CLINT1: variants seen among roughly 807,000 people sequenced by gnomAD.
The protein encoded by CLINT1 is clathrin interactor 1.
CLINT1 carries 15 observed loss-of-function variants against 70.4 expected under a neutral mutation model. That is an observed-to-expected ratio of 0.21 (90% confidence interval 0.14 to 0.33). CLINT1 has a LOEUF of 0.33. Among genes scored for constraint, CLINT1 ranks in the 10% least tolerant of loss-of-function variants. The pLI, the probability that CLINT1 is intolerant of heterozygous loss-of-function variation, is 1.00. For missense variants in CLINT1, 615 were observed against 778.1 expected (o/e 0.79, Z 2.49); for synonymous variants, 227 against 254.7 (o/e 0.89, Z 1.04).
intron 1 of CLINT1, among the ~76,000 whole-genome samples, chr5:157,830,363 CTTTTAT>C (rs1014191316): frequency 2.0e-5 from 3 of 152,112 alleles, no homozygotes; most frequent in Middle Eastern, 3.4e-3. Flanking sequence ...TTCCTTTAGT[CTTTTAT>C]TTTTAAGTTT....
At chr5:157,854,662 A>C (rs1753686371) in intron 1 of CLINT1, among the ~76,000 whole-genome samples, 1 of 152,258 alleles carries the variant, frequency 6.6e-6, no homozygotes, top group Non-Finnish European at 1.5e-5. Context: ...AGGAGACTAG[A>C]ACAGCAGTTT....
chr5:157,850,556 A>G (rs959846858), intron 1 of CLINT1, among the ~76,000 whole-genome samples: 1 of 136,318 alleles, frequency 7.3e-6, no homozygotes, highest in Non-Finnish European at 1.5e-5. Context: ...GGCTGCAGTG[A>G]GTCAAGATCG....
At chr5:157,840,944 G>C (rs1581536098) in intron 1 of CLINT1, among the ~76,000 whole-genome samples, 1 of 152,014 alleles carries the variant, frequency 6.6e-6, no homozygotes, top group East Asian at 1.9e-4. Flanking sequence ...ACATACACTT[G>C]GAACAAAGTC....
chr5:157,830,788 C>A (rs1237168793), intron 1 of CLINT1, among the ~76,000 whole-genome samples: 184 of 128,842 alleles, frequency 1.4e-3, no homozygotes, highest in African/African-American at 4.2e-3. Flanking sequence ...CTCTCTCTCT[C>A]TCTCTCTCTA....
intron 1 of CLINT1, among the ~76,000 whole-genome samples, chr5:157,818,989 G>T (rs1161288220): frequency 3.3e-5 from 5 of 152,058 alleles, no homozygotes; most frequent in Admixed American, 3.3e-4. Flanking sequence ...TGAAAAATCA[G>T]AATTTGGTTA....
intron 1 of CLINT1, among the ~76,000 whole-genome samples, chr5:157,847,785 G>A (rs994112359): frequency 2.0e-5 from 3 of 152,196 alleles, no homozygotes; most frequent in African/African-American, 7.2e-5. Context: ...TACTGCCAGT[G>A]AAGAACATGG....
chr5:157,844,622 T>C (rs1255665392), intron 1 of CLINT1, among the ~76,000 whole-genome samples: 1 of 152,198 alleles, frequency 6.6e-6, no homozygotes, highest in Non-Finnish European at 1.5e-5. Flanking sequence ...ACTTAGATGG[T>C]ACATAAGCGA....
rs1762734001 is a variant in CLINT1, at chr5:157,816,754, T to C, written c.223A>G (p.Asn75Asp). Residue 75 changes from asparagine (N) to aspartate (D), a missense_variant, in exon 3 of 12, where the codon AAT becomes GAT. By Grantham distance (23) the Asn-to-Asp change is conservative (BLOSUM62 1). Transcript: ENST00000411809. ...CATACCTTATAAACTCTTCTCCAAT[T>C]CTTTTTGTTGTCTTTTAACATTCGT... ...WSRMLKDNKKNWRRVYKSLLL... is the reference protein window; with the variant it reads ...WSRMLKDNKKDWRRVYKSLLL... 1 of 1,609,798 alleles carries C rather than the reference T, an allele frequency of 6.2e-7. No individual in the cohort carries two copies. Among genetic ancestry groups the C allele is most frequent in the Non-Finnish European group, 8.5e-7 (1 of 1,178,254 alleles).
chr5:157,856,055 G>C (rs1434985420), intron 1 of CLINT1, among the ~76,000 whole-genome samples: 1 of 152,020 alleles, frequency 6.6e-6, no homozygotes, highest in Non-Finnish European at 1.5e-5. Context: ...AACCTCACTG[G>C]GTATCAATAT....
chr5:157,796,268 G>A (rs1029275774), intron 8 of CLINT1: 11 of 152,122 alleles, frequency 7.2e-5, no homozygotes, highest in Non-Finnish European at 8.8e-5. Context: ...CTCTGTGTGC[G>A]TAACATTACA....
chr5:157,791,473 A>C, intron 10 of CLINT1: 1 of 507,296 alleles, frequency 2.0e-6, no homozygotes, highest in Non-Finnish European at 3.5e-6. Flanking sequence ...CTTTACAGTG[A>C]CTACAAGATG....
chr5:157,857,377 A>T (rs2113351086), intron 1 of CLINT1, among the ~76,000 whole-genome samples: 1 of 152,340 alleles, frequency 6.6e-6, no homozygotes, highest in East Asian at 1.9e-4. Context: ...CGGTAAGCAA[A>T]AGCAAAGAAT....
intron 1 of CLINT1, among the ~76,000 whole-genome samples, chr5:157,842,963 C>T (rs1054520207): frequency 6.6e-6 from 1 of 152,040 alleles, no homozygotes; most frequent in Non-Finnish European, 1.5e-5. Context: ...AAAGTAAGGA[C>T]GGTGAGGTGT....
chr5:157,829,455 C>A (rs1763150248), intron 1 of CLINT1, among the ~76,000 whole-genome samples: 1 of 152,072 alleles, frequency 6.6e-6, no homozygotes. Flanking sequence ...TAAACAAGGG[C>A]AACTTTATTC....
intron 1 of CLINT1, among the ~76,000 whole-genome samples, chr5:157,850,376 G>A (rs577515766): frequency 3.6e-4 from 55 of 152,176 alleles, no homozygotes; most frequent in African/African-American, 1.3e-3. Flanking sequence ...CTAGCACTTT[G>A]GGAGGCTTGA....
intron 6 of CLINT1, among the ~76,000 whole-genome samples, chr5:157,807,065 G>A (rs1206175920): frequency 6.6e-6 from 1 of 151,314 alleles, no homozygotes; most frequent in African/African-American, 2.4e-5. Flanking sequence ...TAGAGTAGGT[G>A]GTTTAATTTA....
intron 9 of CLINT1, among the ~76,000 whole-genome samples, chr5:157,793,830 C>T (rs1233933563): frequency 6.6e-6 from 1 of 152,108 alleles, no homozygotes; most frequent in East Asian, 1.9e-4. Flanking sequence ...TTTTTTCTAA[C>T]TCCTCACAAA....
intron 1 of CLINT1, among the ~76,000 whole-genome samples, chr5:157,836,501 T>G (rs1421083999): frequency 2.6e-5 from 4 of 152,178 alleles, no homozygotes; most frequent in Non-Finnish European, 5.9e-5. Flanking sequence ...GCACCAAGAG[T>G]AAGTTACATG....
At chr5:157,826,831 T>A (rs1226526500) in intron 1 of CLINT1, among the ~76,000 whole-genome samples, 2 of 152,194 alleles carry the variant, frequency 1.3e-5, no homozygotes, top group Non-Finnish European at 2.9e-5. Flanking sequence ...ATTTATACCA[T>A]ACTTTCCCTT....
Sources: allele counts gnomAD v4.1 joint callset (sites outside exome capture counted in the v4.1 genomes callset), GRCh38; gene constraint gnomAD v4.1.1; transcripts MANE v1.5; gene names NCBI Gene and HGNC (gene_info 2026-07-23, HGNC 2026-07-21).